The following ZHX2 variants were observed in gnomAD, a reference collection of about 807,000 sequenced individuals.
ZHX2 encodes the protein zinc fingers and homeoboxes 2, also known as zinc fingers and homeoboxes protein 2.
ZHX2 carries 6 observed loss-of-function variants against 21.9 expected under a neutral mutation model. The ratio of observed to expected loss-of-function variants is 0.27; its 90% CI spans 0.15 to 0.54. ZHX2 has a LOEUF of 0.54. Among genes scored for constraint, ZHX2 ranks in the 20% least tolerant of loss-of-function variants. The pLI is 0.95. For synonymous variants in ZHX2, 434 were observed against 437.1 expected (o/e 0.99, Z 0.09); for missense variants, 908 against 1,090.7 (o/e 0.83, Z 2.36).
intron 1 of ZHX2, among the ~76,000 whole-genome samples, chr8:122,822,048 A>G (rs1160438870): frequency 1.3e-5 from 2 of 152,126 alleles, no homozygotes; most frequent in East Asian, 3.9e-4. Flanking sequence ...CTATTGAGAG[A>G]GGATGCCTCG....
intron 2 of ZHX2, among the ~76,000 whole-genome samples, chr8:122,896,683 C>T (rs1820108027): frequency 2.0e-5 from 3 of 152,204 alleles, no homozygotes; most frequent in African/African-American, 7.2e-5. Context: ...AGGGTTCAGA[C>T]ACATTAAGTC....
chr8:122,947,275 A>T (rs1310022119), intron 2 of ZHX2, among the ~76,000 whole-genome samples: 1 of 151,826 alleles, frequency 6.6e-6, no homozygotes, highest in African/African-American at 2.4e-5. Context: ...TAAAAAAAAA[A>T]AAAACCTTTC....
At chr8:122,922,950 GGC>G (rs1820773346) in intron 2 of ZHX2, among the ~76,000 whole-genome samples, 1 of 152,166 alleles carries the variant, frequency 6.6e-6, no homozygotes, top group South Asian at 2.1e-4. Context: ...CTGCAAAGGG[GGC>G]AGTTCAGCCT....
intron 1 of ZHX2, among the ~76,000 whole-genome samples, chr8:122,788,838 AGTGTGTGTGCAC>A (rs1353381924): frequency 1.3e-5 from 2 of 152,122 alleles, no homozygotes; most frequent in African/African-American, 2.4e-5. Context: ...TTCCTGCATG[AGTGTGTGTGCAC>A]GTGTGCGTAT....
chr8:122,945,437 A>AAAAAAAAAAAAAAAAC (rs1812948256), intron 2 of ZHX2, among the ~76,000 whole-genome samples: 1 of 20,138 alleles, frequency 5.0e-5, no homozygotes. Context: ...CTGTCTCTGC[A>AAAAAAAAAAAAAAAAC]AAAAAAAAAA....
intron 2 of ZHX2, among the ~76,000 whole-genome samples, chr8:122,877,070 G>C (rs1474224325): frequency 1.3e-5 from 2 of 152,154 alleles, no homozygotes; most frequent in East Asian, 3.8e-4. Flanking sequence ...CAATGGCAAA[G>C]ATGAGTGAAT....
intron 1 of ZHX2, among the ~76,000 whole-genome samples, chr8:122,826,659 C>T (rs1239366168): frequency 2.0e-5 from 3 of 152,124 alleles, no homozygotes; most frequent in Admixed American, 6.5e-5. Flanking sequence ...TTGTTCACAG[C>T]GCACGGCACT....
chr8:122,924,107 T>C (rs1036123686), intron 2 of ZHX2, among the ~76,000 whole-genome samples: 5 of 152,208 alleles, frequency 3.3e-5, no homozygotes, highest in Admixed American at 1.3e-4. Context: ...CTAGGACTGC[T>C]GTAACAAAGC....
At chr8:122,917,697 A>T (rs1820639080) in intron 2 of ZHX2, among the ~76,000 whole-genome samples, 1 of 152,142 alleles carries the variant, frequency 6.6e-6, no homozygotes, top group South Asian at 2.1e-4. Context: ...GTGCCTTCCT[A>T]AGGATGAGTT....
At chr8:122,971,389 T>G (rs1311833228) in intron 3 of ZHX2, among the ~76,000 whole-genome samples, 1 of 151,700 alleles carries the variant, frequency 6.6e-6, no homozygotes, top group Non-Finnish European at 1.5e-5. Flanking sequence ...TGGATGACTT[T>G]TAGGTAGTCC....
chr8:122,815,361 T>C, intron 1 of ZHX2: 1 of 152,284 alleles, frequency 6.6e-6, no homozygotes, highest in East Asian at 1.9e-4. Flanking sequence ...TAAAATCAAA[T>C]ATAAAAATAA....
chr8:122,868,781 G>T (rs1271596785), intron 2 of ZHX2, among the ~76,000 whole-genome samples: 1 of 151,764 alleles, frequency 6.6e-6, no homozygotes, highest in Non-Finnish European at 1.5e-5. Context: ...GATTGCATGA[G>T]ACAAGAAGAT....
chr8:122,953,937 T>C lies in ZHX2; in HGVS notation c.2427T>C (p.Asp809=), dbSNP rs769824290. ...AGGATGCGATCTCAGATAGATCAGA[T>C]AGCTGGAGTCAGGCTGCGGCAGAAG... The part of the protein sequence containing the change: ...GEEDAISDRS[D]SWSQAAAEGV... Residue 809 remains aspartate (D), a synonymous_variant, in exon 3 of 4, where the codon GAT becomes GAC. Transcript: ENST00000314393. The surrounding 1 kb of genome is among the most constrained non-coding windows in gnomAD (Gnocchi z 4.6). The C allele has an allele frequency of 6.2e-7, 1 of 1,614,014 alleles. No individual in the cohort carries two copies. The highest frequency in any genetic ancestry group is 8.5e-7 in the Non-Finnish European group (1 of 1,180,018).
At chr8:122,863,662 T>G (rs1490170952) in intron 2 of ZHX2, 123 bp downstream of exon 2, 1 of 152,532 alleles carries the variant, frequency 6.6e-6, no homozygotes, top group Non-Finnish European at 1.5e-5. Context: ...TCCATGCACG[T>G]GTGCCTGGAA....
At chr8:122,816,912 T>C (rs563104104) in intron 1 of ZHX2, among the ~76,000 whole-genome samples, 5 of 152,274 alleles carry the variant, frequency 3.3e-5, no homozygotes, top group Admixed American at 1.3e-4. Flanking sequence ...TCAGGGTGTA[T>C]GTTTGGCAGG....
intron 1 of ZHX2, among the ~76,000 whole-genome samples, chr8:122,850,249 G>T (rs370627963): frequency 6.6e-6 from 1 of 152,072 alleles, no homozygotes; most frequent in Non-Finnish European, 1.5e-5. Context: ...GTTTTGATGG[G>T]TGTGAGTGAC....
intron 2 of ZHX2, among the ~76,000 whole-genome samples, chr8:122,865,677 A>G (rs538378823): frequency 5.3e-5 from 8 of 152,334 alleles, no homozygotes; most frequent in South Asian, 4.1e-4. Flanking sequence ...AGAGATAGTG[A>G]TAGTTCAATT....
intron 1 of ZHX2, among the ~76,000 whole-genome samples, chr8:122,847,546 C>G (rs937176100): frequency 3.9e-5 from 6 of 152,216 alleles, no homozygotes; most frequent in African/African-American, 1.4e-4. Flanking sequence ...CTCTCCATCC[C>G]TATGTGCCAG....
intron 1 of ZHX2, among the ~76,000 whole-genome samples, chr8:122,857,715 G>T (rs1408661181): frequency 2.6e-5 from 4 of 152,202 alleles, no homozygotes; most frequent in Non-Finnish European, 5.9e-5. Flanking sequence ...TCAGGCCTGA[G>T]TTCAAACCTC....
Sources: allele counts gnomAD v4.1 joint callset (sites outside exome capture counted in the v4.1 genomes callset), GRCh38; gene constraint gnomAD v4.1.1; non-coding constraint Gnocchi (gnomAD v3.1); transcripts MANE v1.5; gene names NCBI Gene and HGNC (gene_info 2026-07-23, HGNC 2026-07-21).